The following PDE10A variants were observed in gnomAD, a reference collection of about 807,000 sequenced individuals.
PDE10A encodes the protein phosphodiesterase 10A, also known as cAMP and cAMP-inhibited cGMP 3',5'-cyclic phosphodiesterase 10A.
Under a neutral mutation model 97.7 loss-of-function variants are expected in PDE10A, and 39 were observed. The observed-to-expected ratio is 0.40, with a 90% confidence interval of 0.31 to 0.52. PDE10A has a LOEUF of 0.52. Among genes scored for constraint, PDE10A ranks in the 20% least tolerant of loss-of-function variants. PDE10A has a pLI of 0.56. For synonymous variants in PDE10A, 371 were observed against 376.8 expected (o/e 0.98, Z 0.18); for missense variants, 731 against 1,047.8 (o/e 0.70, Z 4.17).
At chr6:165,391,501 C>A (rs563024166) in intron 16 of PDE10A, among the ~76,000 whole-genome samples, 1 of 152,006 alleles carries the variant, frequency 6.6e-6, no homozygotes, top group South Asian at 2.1e-4. Flanking sequence ...TTAAAAGGAA[C>A]AGAATGGAGA....
upstream of PDE10A, among the ~76,000 whole-genome samples, chr6:165,665,022 C>A (rs1395340657): frequency 6.6e-6 from 1 of 152,194 alleles, no homozygotes; most frequent in Non-Finnish European, 1.5e-5. Flanking sequence ...TTTTCATTAA[C>A]CCTTTCCCAG....
intron 2 of PDE10A, among the ~76,000 whole-genome samples, chr6:165,536,848 G>A (rs534639497): frequency 2.0e-5 from 3 of 152,054 alleles, no homozygotes; most frequent in African/African-American, 4.8e-5. Context: ...CTATTGGTAG[G>A]AATGTAAATT....
chr6:165,366,845 T>C (rs1295289088), intron 18 of PDE10A, among the ~76,000 whole-genome samples: 1 of 152,148 alleles, frequency 6.6e-6, no homozygotes, highest in Non-Finnish European at 1.5e-5. Flanking sequence ...TTTAGGATGA[T>C]TGATGAGAAA....
chr6:165,853,829 T>C (rs1026560806), intron 1 of PDE10A, among the ~76,000 whole-genome samples: 6 of 152,188 alleles, frequency 3.9e-5, no homozygotes, highest in Non-Finnish European at 7.4e-5. Flanking sequence ...GGGCACTAGG[T>C]CTTTCAGTCA....
At chr6:165,398,516 T>C (rs1311506375) in intron 13 of PDE10A, among the ~76,000 whole-genome samples, 5 of 150,698 alleles carry the variant, frequency 3.3e-5, no homozygotes, top group African/African-American at 9.7e-5. Context: ...AAAAAAAAGG[T>C]TGTATTGGCT....
chr6:165,826,910 G>A (rs1779775476), intron 1 of PDE10A, among the ~76,000 whole-genome samples: 1 of 151,890 alleles, frequency 6.6e-6, no homozygotes. Flanking sequence ...CATGAGGTGG[G>A]CGCAGGCGGG....
At chr6:165,380,916 C>T (rs990170160) in intron 17 of PDE10A, among the ~76,000 whole-genome samples, 2 of 152,232 alleles carry the variant, frequency 1.3e-5, no homozygotes, top group African/African-American at 2.4e-5. Flanking sequence ...CCTGTCACCT[C>T]TATTTCCCAC....
intron 1 of PDE10A, among the ~76,000 whole-genome samples, chr6:165,927,024 C>T (rs1224808440): frequency 1.7e-5 from 2 of 118,268 alleles, no homozygotes; most frequent in Admixed American, 1.2e-4. Context: ...GGGAGTTGAA[C>T]AATGAATACA....
At chr6:165,512,422 G>C (rs1781557309) in intron 2 of PDE10A, among the ~76,000 whole-genome samples, 1 of 151,632 alleles carries the variant, frequency 6.6e-6, no homozygotes, top group African/African-American at 2.4e-5. Flanking sequence ...TAAAATACTA[G>C]TAGCCTAGGT....
At chr6:165,790,141 A>G (rs1441924350) in intron 1 of PDE10A, among the ~76,000 whole-genome samples, 1 of 152,168 alleles carries the variant, frequency 6.6e-6, no homozygotes, top group Non-Finnish European at 1.5e-5. Flanking sequence ...ATATTCAGAG[A>G]TTTTTCTAAC....
chr6:165,594,137 AG>A (rs2128387783), intron 1 of PDE10A, among the ~76,000 whole-genome samples: 1 of 152,328 alleles, frequency 6.6e-6, no homozygotes, highest in South Asian at 2.1e-4. Context: ...ATAACATCCA[AG>A]TTGCAATGAG....
At chr6:165,538,840 A>G (rs180909266) in intron 2 of PDE10A, among the ~76,000 whole-genome samples, 1 of 152,184 alleles carries the variant, frequency 6.6e-6, no homozygotes, top group African/African-American at 2.4e-5. Flanking sequence ...ACTTTGTACA[A>G]ATACAGACGT....
chr6:165,601,435 T>C (rs1210080400), intron 1 of PDE10A, among the ~76,000 whole-genome samples: 1 of 152,258 alleles, frequency 6.6e-6, no homozygotes, highest in Admixed American at 6.5e-5. Flanking sequence ...GTGCCTGCTG[T>C]GTACTATGCC....
chr6:165,362,548 CAA>C (rs1377349889), intron 18 of PDE10A, among the ~76,000 whole-genome samples: 2 of 152,066 alleles, frequency 1.3e-5, no homozygotes, highest in Non-Finnish European at 2.9e-5. Flanking sequence ...ATAAAAAGTA[CAA>C]AGACTGAATT....
At chr6:165,494,534 A>ATATATTTATT (rs1554273388) in intron 2 of PDE10A, among the ~76,000 whole-genome samples, 15 of 144,328 alleles carry the variant, frequency 1.0e-4, no homozygotes, top group Non-Finnish European at 2.1e-4. Context: ...ATATATATAT[A>ATATATTTATT]TATTTATTTA....
At position 165,840,659 on chromosome 6, in the gene PDE10A, T is replaced by C. The variant is rs145881487; in HGVS notation, c.-615+146870A>G. The stretch of plus-strand genomic sequence containing the variant: ...GTGCACACTTGCCGTTCTAGCATAC[T>C]GTAGGACACAGCACTCGAAATGGTT... On this transcript the variant is annotated intron_variant, in intron 1 of 19. Coordinates refer to the PDE10A transcript ENST00000366882. 3.9e-3 allele frequency among the ~76,000 whole-genome samples: 596 copies of C among 152,332 alleles called. 4 individuals are homozygous for C. The highest frequency in any genetic ancestry group is 0.014 in the African/African-American group (573 of 41,572).
At chr6:165,673,870 A>C (rs1005127256) in intron 1 of PDE10A, among the ~76,000 whole-genome samples, 1 of 152,220 alleles carries the variant, frequency 6.6e-6, no homozygotes, top group African/African-American at 2.4e-5. Context: ...GGTTATATAG[A>C]AGCGTGTTTA....
At chr6:165,841,209 T>C (rs1780248405) in intron 1 of PDE10A, among the ~76,000 whole-genome samples, 1 of 152,252 alleles carries the variant, frequency 6.6e-6, no homozygotes, top group African/African-American at 2.4e-5. Flanking sequence ...TCTAGCTCAC[T>C]GGTGAAAATC....
chr6:165,765,679 C>T (rs1481869703), intron 1 of PDE10A, among the ~76,000 whole-genome samples: 1 of 152,218 alleles, frequency 6.6e-6, no homozygotes, highest in Non-Finnish European at 1.5e-5. Flanking sequence ...TCCCCACCTC[C>T]CTGCAAGCTG....
Sources: allele counts gnomAD v4.1 joint callset (sites outside exome capture counted in the v4.1 genomes callset), GRCh38; gene constraint gnomAD v4.1.1; transcripts MANE v1.5; gene names NCBI Gene and HGNC (gene_info 2026-07-23, HGNC 2026-07-21).